KRAS: variants seen among roughly 807,000 people sequenced by gnomAD.
KRAS encodes the protein GTPase KRas.
KRAS carries 1 observed loss-of-function variant against 21.0 expected under a neutral mutation model. That is an observed-to-expected ratio of 0.05 (90% CI 0.02 to 0.23). The LOEUF (loss-of-function observed/expected upper bound fraction) is 0.23. Among genes scored for constraint, KRAS ranks in the 10% least tolerant of loss-of-function variants. The pLI is 1.00. For synonymous variants in KRAS, 67 were observed against 72.5 expected (o/e 0.92, Z 0.39); for missense variants, 107 against 221.8 (o/e 0.48, Z 3.29).
intron 4 of KRAS, chr12:25,210,523 A>G (rs1951190724): frequency 6.6e-6 from 1 of 152,146 alleles, no homozygotes; most frequent in African/African-American, 2.4e-5. Context: ...TTCAATTCAT[A>G]TATTTATCAT....
At chr12:25,226,859 C>T (rs11047902) in intron 3 of KRAS, among the ~76,000 whole-genome samples, 74,382 of 152,020 alleles carry the variant, frequency 0.49, 19,239 homozygotes, top group East Asian at 0.8. Flanking sequence ...CACACGATTG[C>T]TTTTAAGACT....
In KRAS at chr12:25,228,379, C is replaced by CA. The variant is rs796999300; in HGVS notation, c.112-968dup. On this transcript the variant is annotated intron_variant, in intron 2 of 4. Transcript: ENST00000311936. ...AAGTATCTATGAATATTCCAAAATC[C>CA]AAAAAAAAAATCTGAAATCCAAACC... Among the ~76,000 whole-genome samples, 658 of 145,366 alleles carry CA rather than the reference C, an allele frequency of 4.5e-3. 6 individuals carry two copies. The highest frequency in any genetic ancestry group is 0.016 in the African/African-American group (627 of 39,636).
intron 4 of KRAS, among the ~76,000 whole-genome samples, chr12:25,218,087 C>G (rs1951275385): frequency 6.6e-6 from 1 of 151,982 alleles, no homozygotes; most frequent in African/African-American, 2.4e-5. Flanking sequence ...TGTTAAGATA[C>G]TTTCACAAAT....
chr12:25,217,383 T>C (rs1468984529), intron 4 of KRAS, among the ~76,000 whole-genome samples: 1 of 152,214 alleles, frequency 6.6e-6, no homozygotes, highest in Non-Finnish European at 1.5e-5. Flanking sequence ...TTTAAATTCA[T>C]AATGTTAAGT....
intron 4 of KRAS, among the ~76,000 whole-genome samples, chr12:25,224,081 C>T (rs1330126813): frequency 1.4e-5 from 2 of 148,110 alleles, no homozygotes; most frequent in African/African-American, 2.5e-5. Flanking sequence ...ACATTGCTCA[C>T]GTGTTTGTGG....
intron 2 of KRAS, among the ~76,000 whole-genome samples, chr12:25,229,437 ATT>A (rs2141514229): frequency 6.6e-6 from 1 of 152,328 alleles, no homozygotes; most frequent in African/African-American, 2.4e-5. Context: ...AAAGAGCAAT[ATT>A]GTTTCATCTG....
intron 4 of KRAS, among the ~76,000 whole-genome samples, chr12:25,217,708 C>T (rs552813213): frequency 6.6e-6 from 1 of 151,962 alleles, no homozygotes; most frequent in South Asian, 2.1e-4. Flanking sequence ...GCAAGAGATG[C>T]CAGGAGTTTG....
rs730880342 is a variant in KRAS at position 25,250,767 on chromosome 12, G to GGAGCCGCTGAGCCTCTGGCC, written c.-48_-29dup. On this transcript the variant is annotated 5_prime_UTR_variant, in exon 1 of 5. Coordinates refer to ENST00000311936, the MANE Select transcript of KRAS (RefSeq NM_004985.5). ...GCTCCGTACCTCTCTCCCGCACCTG[G>GGAGCCGCTGAGCCTCTGGCC]GAGCCGCTGAGCCTCTGGCCCCGCC... The GGAGCCGCTGAGCCTCTGGCC allele has an allele frequency of 5.9e-4, 120 of 201,926 alleles. No homozygotes were observed. Among genetic ancestry groups the GGAGCCGCTGAGCCTCTGGCC allele is most frequent in the Non-Finnish European group, 1.1e-3 (104 of 98,594 alleles). 12.5% of individuals were successfully genotyped at this position (201,926 alleles called of 1,614,324 possible).
intron 4 of KRAS, chr12:25,211,132 G>C (rs1170648657): frequency 6.6e-6 from 1 of 152,024 alleles, no homozygotes; most frequent in Non-Finnish European, 1.5e-5. Context: ...ACATTAAGTT[G>C]TATAAATCAA....
intron 4 of KRAS, 110 bp downstream of exon 4, chr12:25,225,504 T>C: frequency 9.2e-7 from 1 of 1,091,836 alleles, no homozygotes; most frequent in Non-Finnish European, 1.4e-6. Context: ...TTACTAAATA[T>C]TGTTTTATTT....
intron 2 of KRAS, 42 bp from the exon 3 acceptor site, chr12:25,227,454 T>C (rs2141510794): frequency 2.5e-6 from 4 of 1,578,060 alleles, no homozygotes; most frequent in Non-Finnish European, 3.5e-6. Context: ...ACAGTGCACC[T>C]TTTACTTCAA....
rs111862804 is a variant in KRAS at position 25,248,573 on chromosome 12, T to G, written c.-12+2178A>C. Reference sequence around the variant, plus strand: ...TATGAATTCAGAGCCACATGTATCTTCCGGTTTACTTGTTTATGCGGTGGT... The same window carrying G: ...TATGAATTCAGAGCCACATGTATCTGCCGGTTTACTTGTTTATGCGGTGGT... On this transcript the variant is annotated intron_variant, in intron 1 of 4. Transcript: ENST00000311936. Among the ~76,000 whole-genome samples, 1,067 of 149,978 alleles carry G rather than the reference T, an allele frequency of 7.1e-3. 7 individuals carry two copies. The highest frequency in any genetic ancestry group is 0.024 in the African/African-American group (993 of 40,688).
intron 1 of KRAS, among the ~76,000 whole-genome samples, chr12:25,248,787 A>G (rs1392211405): frequency 6.6e-6 from 1 of 152,138 alleles, no homozygotes; most frequent in African/African-American, 2.4e-5. Flanking sequence ...CAATTTTGTA[A>G]TGGAAGAAAA....
chr12:25,235,296 T>C, intron 2 of KRAS: 1 of 486,898 alleles, frequency 2.1e-6, no homozygotes, highest in South Asian at 3.3e-5. Context: ...TCCGAAAGGT[T>C]ATTTAAATTC....
At chr12:25,231,124 T>TG (rs1951463846) in intron 2 of KRAS, among the ~76,000 whole-genome samples, 1 of 118,296 alleles carries the variant, frequency 8.5e-6, no homozygotes, top group African/African-American at 3.2e-5. Flanking sequence ...TTTTTTGAGA[T>TG]GGAGTCTTGC....
chr12:25,234,001 G>A (rs1307216813), intron 2 of KRAS: 1 of 193,244 alleles, frequency 5.2e-6, no homozygotes, highest in Admixed American at 6.1e-5. Flanking sequence ...CAATGTAACA[G>A]TGTGCAAAGG....
In KRAS at chr12:25,209,773, A is replaced by T; in HGVS notation, c.*22T>A. ...ATTACCACTTGTACTAGTATGCCTT[A>T]AGAAAAAAGTACAAATTGTATTTAC... On this transcript the variant is annotated 3_prime_UTR_variant, in exon 5 of 5. Transcript: ENST00000311936. 6.2e-7 allele frequency: 1 copy of T among 1,605,418 alleles called. No homozygotes were observed. Among genetic ancestry groups the T allele is most frequent in the Non-Finnish European group, 8.5e-7 (1 of 1,174,138 alleles).
intron 4 of KRAS, among the ~76,000 whole-genome samples, chr12:25,223,487 A>G (rs1005022358): frequency 6.6e-6 from 1 of 152,204 alleles, no homozygotes; most frequent in Non-Finnish European, 1.5e-5. Context: ...CCTCTAAAGT[A>G]AAGTGATATA....
chr12:25,211,606 G>A (rs1267910904), intron 4 of KRAS, among the ~76,000 whole-genome samples: 1 of 151,804 alleles, frequency 6.6e-6, no homozygotes, highest in South Asian at 2.1e-4. Context: ...AATGTTAAGT[G>A]GTATTTCTCC....
Sources: gnomAD v4.1 joint callset for allele counts (sites outside exome capture counted in the v4.1 genomes callset) on GRCh38, gnomAD v4.1.1 for gene constraint, MANE v1.5 for transcripts, NCBI Gene and HGNC (gene_info 2026-07-23, HGNC 2026-07-21) for gene names.